The following RNLS variants were observed in gnomAD, a reference collection of about 807,000 sequenced individuals.
The protein encoded by RNLS is renalase, FAD dependent amine oxidase.
In RNLS, 39 loss-of-function variants were observed where a neutral mutation model predicts 39.8. That is an observed-to-expected ratio of 0.98 (90% confidence interval 0.76 to 1.28). The LOEUF is 1.28. Among genes scored for constraint, RNLS ranks in the 50% most tolerant of loss-of-function variants. RNLS has a pLI of 0.00. For synonymous variants in RNLS, 147 were observed against 150.7 expected, an observed-to-expected ratio of 0.98 and a Z score of 0.18; for missense variants, 410 against 413.3, an observed-to-expected ratio of 0.99 and a Z score of 0.07.
At chr10:88,413,465 C>T (rs1007858292) in intron 4 of RNLS, among the ~76,000 whole-genome samples, 1 of 152,178 alleles carries the variant, frequency 6.6e-6, no homozygotes. Context: ...GCTAAGTCTA[C>T]TTTTAAGGAT....
chr10:88,320,008 T>C (rs1846058568), intron 5 of RNLS, among the ~76,000 whole-genome samples: 1 of 150,632 alleles, frequency 6.6e-6, no homozygotes, highest in South Asian at 2.1e-4. Flanking sequence ...AAGGTCAACA[T>C]GAAAAAAAAA....
intron 4 of RNLS, among the ~76,000 whole-genome samples, chr10:88,482,252 C>T (rs978306524): frequency 8.5e-5 from 13 of 152,230 alleles, no homozygotes; most frequent in African/African-American, 2.9e-4. Context: ...CTACTGCTTT[C>T]TCTCCTTATA....
At chr10:88,430,291 TA>T (rs2133804975) in intron 4 of RNLS, among the ~76,000 whole-genome samples, 1 of 151,920 alleles carries the variant, frequency 6.6e-6, no homozygotes, top group East Asian at 1.9e-4. Flanking sequence ...TTTTTATTTC[TA>T]ATTGTCATTA....
chr10:88,552,322 C>T (rs1033181432), intron 4 of RNLS, among the ~76,000 whole-genome samples: 3 of 152,210 alleles, frequency 2.0e-5, no homozygotes, highest in African/African-American at 7.2e-5. Context: ...ATAAGTGCAA[C>T]AGACATGTCT....
chr10:88,382,859 C>T (rs1851635709), intron 4 of RNLS, among the ~76,000 whole-genome samples: 1 of 151,802 alleles, frequency 6.6e-6, no homozygotes, highest in Non-Finnish European at 1.5e-5. Context: ...ACAACATTTC[C>T]AAAAAAACTG....
At chr10:88,418,955 C>A (rs1250055722) in intron 4 of RNLS, among the ~76,000 whole-genome samples, 1 of 152,158 alleles carries the variant, frequency 6.6e-6, no homozygotes, top group Non-Finnish European at 1.5e-5. Context: ...TTCTTAATGA[C>A]TTTGCTCTGA....
chr10:88,449,783 T>C (rs1295139047), intron 4 of RNLS, among the ~76,000 whole-genome samples: 2 of 152,120 alleles, frequency 1.3e-5, no homozygotes, highest in Non-Finnish European at 1.5e-5. Context: ...GCTTCTAGTA[T>C]AGCAAAATAT....
chr10:88,286,702 A>G (rs140557052), intron 6 of RNLS, among the ~76,000 whole-genome samples: 8 of 151,374 alleles, frequency 5.3e-5, no homozygotes, highest in Non-Finnish European at 8.8e-5. Context: ...AAAAATCAGG[A>G]AAAAAAAATC....
intron 4 of RNLS, among the ~76,000 whole-genome samples, chr10:88,401,170 A>G (rs1589730768): frequency 6.6e-6 from 1 of 152,000 alleles, no homozygotes; most frequent in South Asian, 2.1e-4. Context: ...AGAGAAATGC[A>G]CTTCTGATTA....
intron 6 of RNLS, among the ~76,000 whole-genome samples, chr10:88,312,004 C>T (rs1421710134): frequency 6.6e-6 from 1 of 152,176 alleles, no homozygotes; most frequent in Non-Finnish European, 1.5e-5. Flanking sequence ...GGAAACAATG[C>T]CTCATCAAGG....
intron 4 of RNLS, among the ~76,000 whole-genome samples, chr10:88,448,988 G>A (rs560991114): frequency 1.2e-4 from 19 of 152,202 alleles, no homozygotes; most frequent in Admixed American, 2.6e-4. Context: ...ATCACACACC[G>A]GGGCCTGTTG....
At chr10:88,575,182 AT>A (rs1358801875) in intron 3 of RNLS, among the ~76,000 whole-genome samples, 11 of 78,478 alleles carry the variant, frequency 1.4e-4, no homozygotes, top group African/African-American at 5.9e-4. Context: ...ACACACACAT[AT>A]TATATATATA....
intron 4 of RNLS, among the ~76,000 whole-genome samples, chr10:88,510,771 C>G (rs1476047129): frequency 6.6e-6 from 1 of 151,162 alleles, no homozygotes; most frequent in Non-Finnish European, 1.5e-5. Flanking sequence ...CGCTTGAACC[C>G]AGAAGGCAGA....
intron 4 of RNLS, among the ~76,000 whole-genome samples, chr10:88,530,887 T>G (rs554343433): frequency 6.6e-6 from 1 of 152,146 alleles, no homozygotes; most frequent in East Asian, 1.9e-4. Flanking sequence ...AATGAATAGG[T>G]AAATCCACAG....
At chr10:88,269,669 G>A (rs1330517000), downstream of RNLS, among the ~76,000 whole-genome samples, 3 of 152,320 alleles carry the variant, frequency 2.0e-5, no homozygotes, top group South Asian at 2.1e-4. Flanking sequence ...ACAGGGGCCT[G>A]AGAAGTCTCC....
At chr10:88,259,114 A>T in the RNLS span, 3 of 152,240 alleles carry the variant, frequency 2.0e-5, no homozygotes, top group Non-Finnish European at 4.4e-5. Context: ...TCACCAACAA[A>T]GACACTGGTT....
At chr10:88,298,422 G>A (rs546637993) in intron 6 of RNLS, among the ~76,000 whole-genome samples, 1 of 152,258 alleles carries the variant, frequency 6.6e-6, no homozygotes, top group South Asian at 2.1e-4. Flanking sequence ...CCGAGGTTAT[G>A]AAGATTTACC....
chr10:88,508,776 C>G (rs1845931507), intron 4 of RNLS, among the ~76,000 whole-genome samples: 1 of 151,902 alleles, frequency 6.6e-6, no homozygotes, highest in South Asian at 2.1e-4. Flanking sequence ...CTTTGAGACA[C>G]TGTTTATACA....
At chr10:88,364,958 T>G (rs1244770388) in intron 4 of RNLS, among the ~76,000 whole-genome samples, 1 of 152,086 alleles carries the variant, frequency 6.6e-6, no homozygotes, top group Non-Finnish European at 1.5e-5. Context: ...TGAAAGGGCC[T>G]AAAACTTTTA....
Sources: allele counts gnomAD v4.1 joint callset (sites outside exome capture counted in the v4.1 genomes callset), GRCh38; gene constraint gnomAD v4.1.1; transcripts MANE v1.5; gene names NCBI Gene and HGNC (gene_info 2026-07-23, HGNC 2026-07-21).